Variants in SUMO3 observed in about 807,000 individuals in gnomAD.
The protein encoded by SUMO3 is small ubiquitin-related modifier 3.
In SUMO3, 2 loss-of-function variants were observed where a neutral mutation model predicts 11.1. The observed-to-expected ratio is 0.18, with a 90% CI of 0.07 to 0.57. The LOEUF is 0.57. Among genes scored for constraint, SUMO3 ranks in the 20% least tolerant of loss-of-function variants. The pLI is 0.92. For missense variants in SUMO3, 70 were observed against 132.8 expected, an observed-to-expected ratio of 0.53 and a Z score of 2.32; for synonymous variants, 56 against 53.5, an observed-to-expected ratio of 1.05 and a Z score of -0.20.
chr21:44,814,151 AC>A, intron 1 of SUMO3, 47 bp from the exon 2 acceptor site: 2 of 1,591,696 alleles, frequency 1.3e-6, no homozygotes, highest in Non-Finnish European at 1.7e-6. Flanking sequence ...TCTCAAAATA[AC>A]CGCGACTTGA....
intron 1 of SUMO3, among the ~76,000 whole-genome samples, chr21:44,815,806 C>T (rs777538692): frequency 5.3e-5 from 8 of 152,210 alleles, no homozygotes; most frequent in Non-Finnish European, 4.4e-5. Context: ...AACAGAATGA[C>T]GATCTGTCCC....
chr21:44,815,033 T>A (rs2083235547), intron 1 of SUMO3, among the ~76,000 whole-genome samples: 1 of 152,186 alleles, frequency 6.6e-6, no homozygotes, highest in South Asian at 2.1e-4. Flanking sequence ...AGTGAAGCAA[T>A]GAGGCAGGGC....
rs879154239 is a variant in SUMO3, at chr21:44,806,517, T to C, written c.*434A>G. On this transcript the variant is annotated 3_prime_UTR_variant, in exon 4 of 4. Coordinates refer to ENST00000332859, the MANE Select transcript of SUMO3 (RefSeq NM_006936.3). The stretch of plus-strand genomic sequence containing the variant: ...TCCTCCCTACCAACCTTGCCCCCAA[T>C]ACCTGTCCAACAGCTGCATCCCCAC... 4 of 169,386 alleles carry C rather than the reference T, an allele frequency of 2.4e-5. No homozygotes were observed. In the South Asian group the frequency reaches 5.4e-4, roughly 23 times the overall value. The allele number at this position is 169,386 out of a possible 1,614,324, so 10.5% of individuals were successfully genotyped here.
At chr21:44,812,768 A>C (rs954441295) in intron 2 of SUMO3, among the ~76,000 whole-genome samples, 2 of 152,186 alleles carry the variant, frequency 1.3e-5, no homozygotes, top group African/African-American at 4.8e-5. Flanking sequence ...AGCCCCCCCC[A>C]CATGTACACG....
intron 3 of SUMO3, chr21:44,808,442 G>A (rs1355839614): frequency 1.5e-6 from 2 of 1,338,478 alleles, no homozygotes; most frequent in East Asian, 2.9e-5. Context: ...GAACTCAGGA[G>A]GCAGAGCTTG....
intron 1 of SUMO3, among the ~76,000 whole-genome samples, chr21:44,814,650 C>T (rs2838699): frequency 0.21 from 32,288 of 152,128 alleles, 4,375 homozygotes; most frequent in Non-Finnish European, 0.31. Context: ...TCAGAGGAAC[C>T]CTATGGGACA....
rs989110303 is a variant in SUMO3 at position 44,810,462 on chromosome 21, A to AC, written c.151-1345dup. On this transcript the variant is annotated intron_variant, in intron 2 of 3. Coordinates refer to ENST00000332859, the MANE Select transcript of SUMO3 (RefSeq NM_006936.3). The surrounding 1 kb of genome is among the most constrained non-coding windows in gnomAD (Gnocchi z 4.1). ...TTCACATGCAGACCCCTCAGGCAGGACCCCCACAACCCTGTGCCTCCCACG... is the reference window on the plus strand; with the variant it reads ...TTCACATGCAGACCCCTCAGGCAGGACCCCCCACAACCCTGTGCCTCCCACG... Among the ~76,000 whole-genome samples, 6 of 151,396 alleles carry AC rather than the reference A, an allele frequency of 4.0e-5. No homozygotes were observed. Among genetic ancestry groups the AC allele is most frequent in the Non-Finnish European group, 8.8e-5 (6 of 67,970 alleles).
rs77748262 is a variant in SUMO3, at chr21:44,816,302, C to A, written c.21+1646G>T. On this transcript the variant is annotated intron_variant, in intron 1 of 3. Transcript: ENST00000332859. ...AACAAGTATTTAAATATTCAAACAACCCCAGAGTGGGAGAACTTTGACTTC... is the reference window on the plus strand; with the variant it reads ...AACAAGTATTTAAATATTCAAACAAACCCAGAGTGGGAGAACTTTGACTTC... Among the ~76,000 whole-genome samples the A allele has an allele frequency of 1.3e-4, 20 of 152,308 alleles. No homozygotes were observed. The East Asian group carries it at 3.9e-3, about 29-fold the overall frequency.
intron 1 of SUMO3, among the ~76,000 whole-genome samples, chr21:44,817,175 G>A (rs2083250090): frequency 7.1e-6 from 1 of 141,546 alleles, no homozygotes; most frequent in South Asian, 2.3e-4. Flanking sequence ...GGCGTGATGG[G>A]GAGGCGTGGG....
At chr21:44,808,371 G>C (rs904834910) in intron 3 of SUMO3, 2 of 557,308 alleles carry the variant, frequency 3.6e-6, no homozygotes, top group Non-Finnish European at 5.9e-6. Flanking sequence ...AAATTAGCCG[G>C]GAGTGGTGGT....
chr21:44,807,670 A>G lies in SUMO3; in HGVS notation c.223-630T>C, dbSNP rs1015222823. Among the ~76,000 whole-genome samples the G allele has an allele frequency of 6.6e-6, 1 of 152,154 alleles. No homozygotes were observed. The highest frequency in any genetic ancestry group is 2.4e-5 in the African/African-American group (1 of 41,438). On this transcript the variant is annotated intron_variant, in intron 3 of 3. Coordinates refer to ENST00000332859, the MANE Select transcript of SUMO3 (RefSeq NM_006936.3). This position sits in a 1 kb window ranked among gnomAD's most constrained non-coding sequence, Gnocchi z 4.3. ...GAAGCTTCTGCCAGTTCCTACACAGACTCAGCAAGGCTGGAAGTAGTCATG... is the reference window on the plus strand; with the variant it reads ...GAAGCTTCTGCCAGTTCCTACACAGGCTCAGCAAGGCTGGAAGTAGTCATG...
chr21:44,813,686 T>A lies in SUMO3; in HGVS notation c.150+290A>T, dbSNP rs1032096242. On this transcript the variant is annotated intron_variant, in intron 2 of 3. Transcript: ENST00000332859. ...TTCAGCATCACAGACTTCACAGATGTTAGTACCCCATGGAGAACACAGCAC... is the reference window on the plus strand; with the variant it reads ...TTCAGCATCACAGACTTCACAGATGATAGTACCCCATGGAGAACACAGCAC... 1.7e-5 allele frequency: 14 copies of A among 840,232 alleles called. No individual in the cohort carries two copies. In the South Asian group the frequency reaches 2.5e-4, roughly 15 times the overall value. 52.0% of individuals were successfully genotyped at this position (840,232 alleles called of 1,614,324 possible).
rs2083259912 is a variant in SUMO3 at position 44,818,002 on chromosome 21, G to GGAAGCAGCGCGGAGCGGGC, written c.-53_-35dup. Reference sequence around the variant, plus strand: ...GAGCGGCGCGGGGAGGCGGCGCGGGGGAAGCAGCGCGGAGCGGGCGAGTCA... The same window carrying GGAAGCAGCGCGGAGCGGGC: ...GAGCGGCGCGGGGAGGCGGCGCGGGGGAAGCAGCGCGGAGCGGGCGAAGCAGCGCGGAGCGGGCGAGTCA... On this transcript the variant is annotated 5_prime_UTR_variant, in exon 1 of 4. Transcript: ENST00000332859. 3.4e-6 allele frequency: 4 copies of GGAAGCAGCGCGGAGCGGGC among 1,170,760 alleles called. No individual in the cohort carries two copies. The highest frequency in any genetic ancestry group is 1.1e-6 in the Non-Finnish European group (1 of 950,684). 72.5% of individuals were successfully genotyped at this position (1,170,760 alleles called of 1,614,324 possible). A position where few individuals can be genotyped will look rare whatever the true frequency, so the allele number is the denominator to read the frequency against.
chr21:44,812,854 GC>G (rs2083220740), intron 2 of SUMO3, among the ~76,000 whole-genome samples: 1 of 152,256 alleles, frequency 6.6e-6, no homozygotes, highest in South Asian at 2.1e-4. Context: ...GTGGCCACGA[GC>G]CCAGGCAGTA....
rs974110814 is a variant in SUMO3 at position 44,807,432 on chromosome 21, G to A, written c.223-392C>T. Among the ~76,000 whole-genome samples the A allele has an allele frequency of 3.3e-5, 5 of 152,136 alleles. No individual in the cohort carries two copies. The highest frequency in any genetic ancestry group is 9.7e-5 in the African/African-American group (4 of 41,432). ...GTCCTAGGACCCACAGGAGCCTTGC[G>A]CTTTATACCAAGTGCGGGGGACCAT... On this transcript the variant is annotated intron_variant, in intron 3 of 3. Transcript: ENST00000332859. This position sits in a 1 kb window ranked among gnomAD's most constrained non-coding sequence, Gnocchi z 4.3.
intron 2 of SUMO3, among the ~76,000 whole-genome samples, chr21:44,812,456 A>G (rs1042612382): frequency 2.0e-5 from 3 of 152,182 alleles, no homozygotes; most frequent in Non-Finnish European, 4.4e-5. Context: ...GTTTCAACCG[A>G]GAATATTACG....
chr21:44,812,759 GC>G (rs111656051), intron 2 of SUMO3, among the ~76,000 whole-genome samples: 16 of 152,062 alleles, frequency 1.1e-4, no homozygotes, highest in African/African-American at 2.9e-4. Context: ...GAAGGGCAGA[GC>G]CCCCCCCACA....
intron 3 of SUMO3, chr21:44,808,430 G>T: frequency 1.6e-6 from 2 of 1,243,102 alleles, no homozygotes; most frequent in South Asian, 1.6e-5. Context: ...GGAGAATGGC[G>T]TGAACTCAGG....
At chr21:44,809,269 T>A in intron 2 of SUMO3, 151 bp from the exon 3 acceptor site, 1 of 716,014 alleles carries the variant, frequency 1.4e-6, no homozygotes, top group Non-Finnish European at 2.4e-6. Flanking sequence ...CCAAATATTT[T>A]AATCCAAGTA....
Sources: allele counts gnomAD v4.1 joint callset (sites outside exome capture counted in the v4.1 genomes callset), GRCh38; gene constraint gnomAD v4.1.1; non-coding constraint Gnocchi (gnomAD v3.1); transcripts MANE v1.5; gene names NCBI Gene and HGNC (gene_info 2026-07-23, HGNC 2026-07-21).